Variants in FHIT observed in about 807,000 individuals in gnomAD.
FHIT encodes the protein fragile histidine triad diadenosine triphosphatase, also known as bis(5'-adenosyl)-triphosphatase.
A neutral mutation model predicts 17.9 loss-of-function variants in FHIT; 19 were observed. The ratio of observed to expected loss-of-function variants is 1.06; its 90% CI spans 0.74 to 1.56. The LOEUF is 1.56. Among genes scored for constraint, FHIT ranks in the 40% most tolerant of loss-of-function variants. FHIT has a pLI of 0.00. For synonymous variants in FHIT, 81 were observed against 69.7 expected, an observed-to-expected ratio of 1.16 and a Z score of -0.81; for missense variants, 248 against 189.2, an observed-to-expected ratio of 1.31 and a Z score of -1.82.
chr3:60,037,672 G>A (rs1294270131), intron 5 of FHIT, among the ~76,000 whole-genome samples: 1 of 151,372 alleles, frequency 6.6e-6, no homozygotes, highest in African/African-American at 2.4e-5. Context: ...ATGAGCCACT[G>A]CACCCGGCCT....
chr3:60,063,858 C>T (rs563539655), intron 5 of FHIT, among the ~76,000 whole-genome samples: 24 of 152,292 alleles, frequency 1.6e-4, no homozygotes, highest in African/African-American at 3.6e-4. Context: ...TTGGGTTAAA[C>T]GCGTTTTGAT....
At chr3:60,258,092 ACACACACACC>A (rs1706103623) in intron 5 of FHIT, among the ~76,000 whole-genome samples, 1 of 149,904 alleles carries the variant, frequency 6.7e-6, no homozygotes, top group African/African-American at 2.4e-5. Context: ...ACACACACAC[ACACACACACC>A]TCTGCAGATT....
At chr3:60,140,983 G>A (rs2107299531) in intron 5 of FHIT, among the ~76,000 whole-genome samples, 1 of 152,176 alleles carries the variant, frequency 6.6e-6, no homozygotes, top group South Asian at 2.1e-4. Context: ...GTCTAGGATG[G>A]TTTCAGTCTG....
intron 2 of FHIT, among the ~76,000 whole-genome samples, chr3:61,085,054 T>C (rs2035263400): frequency 6.6e-6 from 1 of 152,174 alleles, no homozygotes; most frequent in Non-Finnish European, 1.5e-5. Flanking sequence ...CATTTACCAA[T>C]TGATAGATAC....
chr3:61,193,709 T>C (rs546199808), intron 2 of FHIT, among the ~76,000 whole-genome samples: 1 of 152,202 alleles, frequency 6.6e-6, no homozygotes, highest in Non-Finnish European at 1.5e-5. Context: ...ACTCAGTTTG[T>C]ATTTTTAGTT....
chr3:60,130,933 T>G (rs11918355), intron 5 of FHIT, among the ~76,000 whole-genome samples: 79,852 of 144,478 alleles, frequency 0.55, 22,758 homozygotes, highest in South Asian at 0.66. Context: ...ACATATATGT[T>G]TATATATATA....
chr3:60,188,943 G>A (rs1702279779), intron 5 of FHIT, among the ~76,000 whole-genome samples: 1 of 152,066 alleles, frequency 6.6e-6, no homozygotes, highest in South Asian at 2.1e-4. Context: ...CTAAAAGAAG[G>A]ACACTAATAT....
intron 4 of FHIT, among the ~76,000 whole-genome samples, chr3:60,639,843 T>C (rs1474829097): frequency 6.6e-6 from 1 of 152,168 alleles, no homozygotes; most frequent in Non-Finnish European, 1.5e-5. Context: ...CACAAATATC[T>C]ATACATAAGC....
At chr3:60,075,875 G>C (rs1207105652) in intron 5 of FHIT, among the ~76,000 whole-genome samples, 1 of 152,058 alleles carries the variant, frequency 6.6e-6, no homozygotes, top group Non-Finnish European at 1.5e-5. Flanking sequence ...TCCTTATAAT[G>C]ATGTCCCTTT....
intron 7 of FHIT, among the ~76,000 whole-genome samples, chr3:60,003,992 A>C (rs1699827195): frequency 6.6e-6 from 1 of 152,108 alleles, no homozygotes; most frequent in South Asian, 2.1e-4. Context: ...CCTAGGCTTG[A>C]AACACCCATA....
intron 5 of FHIT, among the ~76,000 whole-genome samples, chr3:60,152,498 G>A (rs7616516): frequency 0.1 from 15,934 of 152,226 alleles, 1,210 homozygotes; most frequent in African/African-American, 0.21. Flanking sequence ...CCTAAGACAT[G>A]TGTGTGTATA....
chr3:60,860,428 A>ATATGTAT (rs1703662591), intron 3 of FHIT, among the ~76,000 whole-genome samples: 1 of 142,378 alleles, frequency 7.0e-6, no homozygotes, highest in Non-Finnish European at 1.5e-5. Flanking sequence ...TATATATGAT[A>ATATGTAT]CATATATATC....
intron 7 of FHIT, among the ~76,000 whole-genome samples, chr3:59,978,403 T>A (rs542097138): frequency 6.6e-6 from 1 of 152,146 alleles, no homozygotes; most frequent in South Asian, 2.1e-4. Flanking sequence ...TCTACAATAT[T>A]ACTATGCTTT....
intron 8 of FHIT, among the ~76,000 whole-genome samples, chr3:59,870,949 A>G (rs1702895086): frequency 6.6e-6 from 1 of 152,040 alleles, no homozygotes; most frequent in Non-Finnish European, 1.5e-5. Flanking sequence ...TGACTACTAC[A>G]TAGTTCATAC....
chr3:61,120,952 CA>C (rs1287193335), intron 2 of FHIT, among the ~76,000 whole-genome samples: 8 of 151,590 alleles, frequency 5.3e-5, no homozygotes, highest in Non-Finnish European at 8.8e-5. Flanking sequence ...AAAGCATACA[CA>C]AGTATCATAG....
intron 5 of FHIT, among the ~76,000 whole-genome samples, chr3:60,470,457 T>A (rs746929207): frequency 6.6e-6 from 1 of 151,940 alleles, no homozygotes; most frequent in Non-Finnish European, 1.5e-5. Context: ...TCCCTCTCCT[T>A]TCCTCAAGCA....
At chr3:60,705,471 G>C (rs531455543) in intron 4 of FHIT, among the ~76,000 whole-genome samples, 115 of 152,234 alleles carry the variant, frequency 7.6e-4, no homozygotes, top group African/African-American at 2.5e-3. Flanking sequence ...AGAAATACAG[G>C]ACACTAATTT....
intron 5 of FHIT, among the ~76,000 whole-genome samples, chr3:60,269,745 C>T (rs1020071423): frequency 6.6e-6 from 1 of 152,104 alleles, no homozygotes; most frequent in Non-Finnish European, 1.5e-5. Context: ...AGCTCACAGT[C>T]TAGTGAAGCA....
chr3:60,450,018 A>AGGC (rs2031622338), intron 5 of FHIT, among the ~76,000 whole-genome samples: 1 of 150,804 alleles, frequency 6.6e-6, no homozygotes, highest in Admixed American at 6.6e-5. Context: ...AAAAAAAAAA[A>AGGC]AAAAGGCATA....
Sources: gnomAD v4.1 joint callset for allele counts (sites outside exome capture counted in the v4.1 genomes callset) on GRCh38, gnomAD v4.1.1 for gene constraint, MANE v1.5 for transcripts, NCBI Gene and HGNC (gene_info 2026-07-23, HGNC 2026-07-21) for gene names.